SAMMSON: variants seen among roughly 807,000 people sequenced by gnomAD.
The protein encoded by SAMMSON is long intergenic non-protein coding RNA 1212.
intron 6 of SAMMSON, among the ~76,000 whole-genome samples, chr3:70,285,114 A>C (rs1575615434): frequency 6.6e-6 from 1 of 150,776 alleles, no homozygotes; most frequent in African/African-American, 2.4e-5. Context: ...TGTGCAGGTT[A>C]GTTACATATG....
intron 3 of SAMMSON, among the ~76,000 whole-genome samples, chr3:70,037,897 C>T (rs772798866): frequency 2.4e-4 from 36 of 152,254 alleles, no homozygotes; most frequent in Non-Finnish European, 4.4e-4. Context: ...TTGAGCTCAA[C>T]ATCTGGAAAG....
intron 9 of SAMMSON, among the ~76,000 whole-genome samples, chr3:70,389,164 A>G (rs1243693644): frequency 6.6e-6 from 1 of 152,016 alleles, no homozygotes; most frequent in Non-Finnish European, 1.5e-5. Flanking sequence ...CCAACCTTGA[A>G]CTTTCCAGCC....
At chr3:70,313,584 C>T (rs762394557) in intron 7 of SAMMSON, among the ~76,000 whole-genome samples, 2 of 151,800 alleles carry the variant, frequency 1.3e-5, no homozygotes, top group Non-Finnish European at 2.9e-5. Flanking sequence ...AATAGCCCAC[C>T]ATTTCTAAAA....
intron 3 of SAMMSON, among the ~76,000 whole-genome samples, chr3:70,023,429 C>G (rs1465192473): frequency 6.6e-6 from 1 of 151,742 alleles, no homozygotes; most frequent in Non-Finnish European, 1.5e-5. Flanking sequence ...CCAGTGCACT[C>G]CAGCCTGGGT....
At chr3:70,211,867 CCTTCCCTTCCCTT>C (rs1701353952) in intron 4 of SAMMSON, among the ~76,000 whole-genome samples, 1 of 147,076 alleles carries the variant, frequency 6.8e-6, no homozygotes, top group African/African-American at 2.5e-5. Context: ...TTTCTTTCTC[CCTTCCCTTCCCTT>C]CTTCCCTTCC....
intron 4 of SAMMSON, among the ~76,000 whole-genome samples, chr3:70,093,201 T>A (rs1020572256): frequency 3.9e-5 from 6 of 152,178 alleles, no homozygotes; most frequent in African/African-American, 1.4e-4. Flanking sequence ...GGACAGGGCA[T>A]AATCAGAATA....
At chr3:70,290,080 C>T (rs1292410902) in intron 6 of SAMMSON, among the ~76,000 whole-genome samples, 1 of 152,210 alleles carries the variant, frequency 6.6e-6, no homozygotes, top group Non-Finnish European at 1.5e-5. Context: ...ATTCTCCATC[C>T]AGCTTTGTTC....
intron 6 of SAMMSON, among the ~76,000 whole-genome samples, chr3:70,264,136 G>A (rs920551124): frequency 3.3e-5 from 5 of 152,140 alleles, no homozygotes; most frequent in Non-Finnish European, 7.3e-5. Flanking sequence ...AAATATATAT[G>A]TTTAAAATGT....
intron 7 of SAMMSON, among the ~76,000 whole-genome samples, chr3:70,319,662 G>T (rs539932826): frequency 6.6e-6 from 1 of 152,066 alleles, no homozygotes; most frequent in Non-Finnish European, 1.5e-5. Flanking sequence ...TTTATGATAA[G>T]TACCAAAGAC....
intron 2 of SAMMSON, among the ~76,000 whole-genome samples, chr3:70,411,405 G>A (rs1210757725): frequency 6.6e-6 from 1 of 152,162 alleles, no homozygotes; most frequent in Non-Finnish European, 1.5e-5. Flanking sequence ...TCCACCTACA[G>A]CAACATAGTT....
At chr3:70,023,222 C>T (rs564842841) in intron 3 of SAMMSON, among the ~76,000 whole-genome samples, 17 of 151,818 alleles carry the variant, frequency 1.1e-4, no homozygotes, top group African/African-American at 2.9e-4. Flanking sequence ...TTTGGGAGGC[C>T]GAGGCAGGCA....
chr3:70,176,494 G>C (rs958874962), intron 4 of SAMMSON, among the ~76,000 whole-genome samples: 12 of 152,150 alleles, frequency 7.9e-5, no homozygotes, highest in African/African-American at 2.9e-4. Flanking sequence ...CTTTTGTAAT[G>C]TGAAATTTGG....
intron 4 of SAMMSON, among the ~76,000 whole-genome samples, chr3:70,209,713 G>A (rs544350718): frequency 6.6e-6 from 1 of 152,104 alleles, no homozygotes; most frequent in East Asian, 1.9e-4. Context: ...TTTATTCTTA[G>A]CTTTTATCTC....
intron 7 of SAMMSON, among the ~76,000 whole-genome samples, chr3:70,293,693 C>G (rs1238276038): frequency 6.6e-6 from 1 of 151,962 alleles, no homozygotes; most frequent in Admixed American, 6.6e-5. Context: ...GAAAAACATT[C>G]TATTTCACTA....
In SAMMSON at chr3:70,384,883, T is replaced by A. The variant is rs561591279; in HGVS notation, n.914-4691T>A. Among the ~76,000 whole-genome samples the A allele has an allele frequency of 4.6e-5, 7 of 152,176 alleles. 1 individual carries two copies. In the South Asian group the frequency reaches 1.5e-3, roughly 32 times the overall value. Reference sequence around the variant, plus strand: ...AATGTTCTATATTTGTGCTGTCCAGTAAGGTAGTCACTAGCCAGCTGTGGC... The same window carrying A: ...AATGTTCTATATTTGTGCTGTCCAGAAAGGTAGTCACTAGCCAGCTGTGGC... On this transcript the variant is annotated intron_variant and non_coding_transcript_variant, in intron 9 of 9. Coordinates refer to ENST00000642114, the Ensembl canonical transcript of SAMMSON.
downstream of SAMMSON, among the ~76,000 whole-genome samples, chr3:70,391,619 T>C (rs1387066068): frequency 6.6e-6 from 1 of 152,180 alleles, no homozygotes; most frequent in East Asian, 1.9e-4. Context: ...TAGAGGGCAA[T>C]GTCTTGGTTT....
chr3:70,017,398 G>A (rs1490009034), intron 3 of SAMMSON, among the ~76,000 whole-genome samples: 2 of 152,032 alleles, frequency 1.3e-5, no homozygotes, highest in African/African-American at 2.4e-5. Context: ...TGTTATTGGT[G>A]TATAAGAATG....
intron 6 of SAMMSON, among the ~76,000 whole-genome samples, chr3:70,290,473 C>T (rs567805326): frequency 6.6e-6 from 1 of 152,342 alleles, no homozygotes; most frequent in South Asian, 2.1e-4. Flanking sequence ...AGCTGTCAGA[C>T]AGGGACATTT....
chr3:70,025,857 A>G (rs1192340145), intron 3 of SAMMSON, among the ~76,000 whole-genome samples: 1 of 152,190 alleles, frequency 6.6e-6, no homozygotes, highest in Non-Finnish European at 1.5e-5. Flanking sequence ...AAAAAATTGT[A>G]AGGAACATAT....
Sources: allele counts gnomAD v4.1 joint callset (sites outside exome capture counted in the v4.1 genomes callset), GRCh38; gene constraint gnomAD v4.1.1; transcripts MANE v1.5; gene names NCBI Gene and HGNC (gene_info 2026-07-23, HGNC 2026-07-21).